FGF12: variants seen among roughly 807,000 people sequenced by gnomAD.
The protein encoded by FGF12 is fibroblast growth factor 12.
In FGF12, 14 loss-of-function variants were observed where a neutral mutation model predicts 23.6. The observed-to-expected ratio is 0.59, with a 90% confidence interval of 0.39 to 0.93. FGF12 has a LOEUF of 0.93. Among genes scored for constraint, FGF12 ranks in the 40% least tolerant of loss-of-function variants. The pLI is 0.00. For missense variants in FGF12, 175 were observed against 217.8 expected, an observed-to-expected ratio of 0.80 and a Z score of 1.24; for synonymous variants, 62 against 77.3, an observed-to-expected ratio of 0.80 and a Z score of 1.04.
chr3:192,447,792 A>G lies in FGF12; in HGVS notation c.14-87254T>C, dbSNP rs368360496. ...AATATTACATAGATCAAGCACACAAATCTTTTCTCTATGAAACTGACAAAT... is the reference window on the plus strand; with the variant it reads ...AATATTACATAGATCAAGCACACAAGTCTTTTCTCTATGAAACTGACAAAT... On this transcript the variant is annotated intron_variant, in intron 2 of 5. Coordinates refer to ENST00000445105, the MANE Select transcript of FGF12 (RefSeq NM_004113.6). Among the ~76,000 whole-genome samples, 5 of 152,294 alleles carry G rather than the reference A, an allele frequency of 3.3e-5. No homozygotes were observed. In the South Asian group the frequency reaches 1.0e-3, roughly 32 times the overall value.
intron 4 of FGF12, among the ~76,000 whole-genome samples, chr3:192,189,370 G>A (rs960228639): frequency 3.3e-5 from 5 of 152,108 alleles, no homozygotes; most frequent in Non-Finnish European, 7.4e-5. Flanking sequence ...ACAGAAATTA[G>A]CTGGCGACTG....
chr3:192,580,053 A>G (rs1215952898), intron 2 of FGF12, among the ~76,000 whole-genome samples: 2 of 152,112 alleles, frequency 1.3e-5, no homozygotes, highest in African/African-American at 2.4e-5. Flanking sequence ...ATAACTTACA[A>G]TCTGGGAGGG....
At chr3:192,694,570 CAT>C (rs906946614) in intron 2 of FGF12, among the ~76,000 whole-genome samples, 2 of 151,544 alleles carry the variant, frequency 1.3e-5, no homozygotes, top group African/African-American at 2.4e-5. Flanking sequence ...TATACACATA[CAT>C]ATATATACAT....
At chr3:192,411,043 A>C (rs1231297328) in intron 2 of FGF12, among the ~76,000 whole-genome samples, 1 of 152,170 alleles carries the variant, frequency 6.6e-6, no homozygotes, top group Non-Finnish European at 1.5e-5. Context: ...TATGATTTCC[A>C]AGCACAGACA....
intron 2 of FGF12, among the ~76,000 whole-genome samples, chr3:192,654,921 G>A (rs559029913): frequency 1.3e-5 from 2 of 152,166 alleles, no homozygotes; most frequent in South Asian, 4.2e-4. Flanking sequence ...CAACTAGATT[G>A]ATGGACCACA....
chr3:192,210,884 A>G (rs918440889), intron 4 of FGF12, among the ~76,000 whole-genome samples: 3 of 152,222 alleles, frequency 2.0e-5, no homozygotes, highest in African/African-American at 7.2e-5. Context: ...GACCAAAGAC[A>G]GTGATGAGGC....
intron 2 of FGF12, among the ~76,000 whole-genome samples, chr3:192,653,672 C>T (rs1716292609): frequency 6.6e-6 from 1 of 150,468 alleles, no homozygotes; most frequent in African/African-American, 2.4e-5. Flanking sequence ...TTTCATTAAA[C>T]CAAAATAAAT....
chr3:192,379,341 T>C (rs186950382), intron 2 of FGF12, among the ~76,000 whole-genome samples: 3 of 150,934 alleles, frequency 2.0e-5, no homozygotes, highest in Non-Finnish European at 4.4e-5. Flanking sequence ...ACCTAACAAA[T>C]TGTCACTGTG....
intron 2 of FGF12, among the ~76,000 whole-genome samples, chr3:192,460,679 TA>T (rs1722837221): frequency 7.6e-6 from 1 of 131,094 alleles, no homozygotes; most frequent in African/African-American, 3.1e-5. Context: ...CACACACATA[TA>T]TTTATATATA....
Position 192,387,964 on chromosome 3 carries a change from A to G in FGF12, c.14-27426T>C, listed in dbSNP as rs113195451. On this transcript the variant is annotated intron_variant, in intron 2 of 5. Coordinates refer to ENST00000445105, the MANE Select transcript of FGF12 (RefSeq NM_004113.6). Reference sequence around the variant, plus strand: ...TAGCCACTCTTAGTTATTTTATATAATTGAACATACATAAGGCCGGAGGGG... The same window carrying G: ...TAGCCACTCTTAGTTATTTTATATAGTTGAACATACATAAGGCCGGAGGGG... Among the ~76,000 whole-genome samples the G allele has an allele frequency of 5.4e-3, 825 of 152,320 alleles. 12 individuals are homozygous for G. The highest frequency in any genetic ancestry group is 0.019 in the African/African-American group (792 of 41,564).
At chr3:192,393,339 G>A (rs1223491800) in intron 2 of FGF12, among the ~76,000 whole-genome samples, 1 of 152,188 alleles carries the variant, frequency 6.6e-6, no homozygotes, top group Non-Finnish European at 1.5e-5. Flanking sequence ...CAACTCACTT[G>A]TAAATAGGGA....
intron 4 of FGF12, among the ~76,000 whole-genome samples, chr3:192,330,225 T>C (rs1030763655): frequency 6.6e-6 from 1 of 152,076 alleles, no homozygotes; most frequent in Admixed American, 6.6e-5. Context: ...GAAAACTCCA[T>C]TCCAAAATTT....
At chr3:192,376,584 A>G (rs1334720354) in intron 2 of FGF12, among the ~76,000 whole-genome samples, 1 of 151,000 alleles carries the variant, frequency 6.6e-6, no homozygotes, top group East Asian at 1.9e-4. Flanking sequence ...CTGGTCTCAA[A>G]CTCCCGGCCT....
chr3:192,293,548 A>G (rs1235950561), intron 4 of FGF12, among the ~76,000 whole-genome samples: 2 of 152,174 alleles, frequency 1.3e-5, no homozygotes, highest in East Asian at 3.8e-4. Flanking sequence ...AAGAAGTGCC[A>G]AATTTTGTGA....
At chr3:192,158,792 G>T (rs1444597378) in intron 5 of FGF12, among the ~76,000 whole-genome samples, 3 of 151,340 alleles carry the variant, frequency 2.0e-5, no homozygotes, top group African/African-American at 7.3e-5. Flanking sequence ...CACTTAGAAA[G>T]GAGAATTAGA....
intron 2 of FGF12, among the ~76,000 whole-genome samples, chr3:192,439,072 C>G (rs569038300): frequency 6.6e-6 from 1 of 152,136 alleles, no homozygotes; most frequent in Non-Finnish European, 1.5e-5. Context: ...AACATGAGAT[C>G]GACTGCCTTT....
rs34991386 is a variant in FGF12 at position 192,336,108 on chromosome 3, T to TACACACACAC, written c.125-654_125-645dup. On this transcript the variant is annotated intron_variant, in intron 3 of 5. Transcript: ENST00000445105. The surrounding 1 kb of genome is among the most constrained non-coding windows in gnomAD (Gnocchi z 4.3). The stretch of plus-strand genomic sequence containing the variant: ...ATATATTTTATATCCAGGTGGGAAA[T>TACACACACAC]ACACACACACACACACACACACACA... 0.012 allele frequency among the ~76,000 whole-genome samples: 1,734 copies of TACACACACAC among 144,032 alleles called. 34 individuals are homozygous for TACACACACAC. Among genetic ancestry groups the TACACACACAC allele is most frequent in the African/African-American group, 0.043 (1,656 of 38,946 alleles). 94.5% of individuals were successfully genotyped at this position (144,032 alleles called of 152,430 possible). A position where few individuals can be genotyped will look rare whatever the true frequency, so the allele number is the denominator to read the frequency against.
intron 5 of FGF12, among the ~76,000 whole-genome samples, chr3:192,161,004 C>T (rs1452234318): frequency 6.6e-6 from 1 of 152,068 alleles, no homozygotes; most frequent in Non-Finnish European, 1.5e-5. Flanking sequence ...TAATAAGCCT[C>T]ATCTTCACAG....
At chr3:192,299,760 T>C (rs542799658) in intron 4 of FGF12, among the ~76,000 whole-genome samples, 8 of 152,252 alleles carry the variant, frequency 5.3e-5, no homozygotes, top group African/African-American at 1.9e-4. Context: ...CTCCAGACTA[T>C]GAGGAGAACG....
Sources: allele counts gnomAD v4.1 joint callset (sites outside exome capture counted in the v4.1 genomes callset), GRCh38; gene constraint gnomAD v4.1.1; non-coding constraint Gnocchi (gnomAD v3.1); transcripts MANE v1.5; gene names NCBI Gene and HGNC (gene_info 2026-07-23, HGNC 2026-07-21).